The following ZNF335 variants were observed in gnomAD, a reference collection of about 807,000 sequenced individuals.
ZNF335 encodes NRC-interacting factor 1.
Under a neutral mutation model 145.6 loss-of-function variants are expected in ZNF335, and 84 were observed. The observed-to-expected ratio is 0.58, with a 90% CI of 0.48 to 0.69. ZNF335 has a LOEUF of 0.69. ZNF335 is among the 30% of genes least tolerant of loss of function. The pLI is 0.00. For missense variants in ZNF335, 1,865 were observed against 1,809.7 expected, an observed-to-expected ratio of 1.03 and a Z score of -0.55; for synonymous variants, 761 against 717.0, an observed-to-expected ratio of 1.06 and a Z score of -0.98.
chr20:45,958,897 G>T (rs1343044365), intron 15 of ZNF335, among the ~76,000 whole-genome samples: 1 of 152,176 alleles, frequency 6.6e-6, no homozygotes, highest in East Asian at 1.9e-4. Context: ...AAGATACTGA[G>T]AACTTATTCC....
chr20:45,963,660 G>T lies in ZNF335; in HGVS notation c.1356-10C>A. 6 of 1,614,020 alleles carry T rather than the reference G, an allele frequency of 3.7e-6. No individual in the cohort carries two copies. The highest frequency in any genetic ancestry group is 2.2e-5 in the East Asian group (1 of 44,872). Reference sequence around the variant, plus strand: ...CGACTTGTAATAGTACCTGCAGGATGAGAGTGTGGCGGAAAGGTCTGGTGG... The same window carrying T: ...CGACTTGTAATAGTACCTGCAGGATTAGAGTGTGGCGGAAAGGTCTGGTGG... On this transcript the variant is annotated splice_polypyrimidine_tract_variant and intron_variant, in intron 8 of 27. Transcript: ENST00000322927.
rs1311114242 is a variant in ZNF335, at chr20:45,971,531, T to G, written c.-50-71A>C. 11 of 1,498,242 alleles carry G rather than the reference T, an allele frequency of 7.3e-6. No individual in the cohort carries two copies. The Admixed American group carries it at 2.3e-4, about 32-fold the overall frequency. 92.8% of individuals were successfully genotyped at this position (1,498,242 alleles called of 1,614,324 possible). On this transcript the variant is annotated intron_variant, in intron 1 of 27. Transcript: ENST00000322927. The stretch of plus-strand genomic sequence containing the variant: ...CAGCCCCGGCAACCACGGCCACCCA[T>G]TTGCACCCCTGCGCCCATTTTGCAG...
chr20:45,971,014 G>GA (rs1336851266), intron 2 of ZNF335, among the ~76,000 whole-genome samples, 196 bp downstream of exon 2: 1 of 152,188 alleles, frequency 6.6e-6, no homozygotes, highest in South Asian at 2.1e-4. Flanking sequence ...TAAGATGTGG[G>GA]AAAAAATGGT....
chr20:45,971,125 C>T lies in ZNF335; in HGVS notation c.201+85G>A, dbSNP rs2084056950. The T allele has an allele frequency of 6.9e-7, 1 of 1,440,014 alleles. No individual in the cohort carries two copies. 89.2% of individuals were successfully genotyped at this position (1,440,014 alleles called of 1,614,324 possible). A position where few individuals can be genotyped will look rare whatever the true frequency, so the allele number is the denominator to read the frequency against. ...AACCAGAAACACCAAGTATTAGCTA[C>T]AAACAAGCCTTGTTTCCTCTTGGCT... On this transcript the variant is annotated intron_variant, in intron 2 of 27. Coordinates refer to ENST00000322927, the MANE Select transcript of ZNF335 (RefSeq NM_022095.4).
In ZNF335 at chr20:45,960,627, T is replaced by C. The variant is rs764474932; in HGVS notation, c.1771A>G (p.Met591Val). The C allele has an allele frequency of 4.3e-6, 7 of 1,613,946 alleles. No homozygotes were observed. The highest frequency in any genetic ancestry group is 1.7e-5 in the Admixed American group (1 of 59,996). Residue 591 changes from methionine (M) to valine (V), a missense_variant, in exon 12 of 28, where the codon ATG becomes GTG. By Grantham distance (21) the Met-to-Val change is conservative. Coordinates refer to ENST00000322927, the MANE Select transcript of ZNF335 (RefSeq NM_022095.4). ...MKTHSTEKPH[M>V]CDKCGKSFKK... Reference sequence around the variant, plus strand: ...TGGCTCCCACCCACCTTGTCACACATGTGGGGCTTCTCAGTGCTGTGCGTC... The same window carrying C: ...TGGCTCCCACCCACCTTGTCACACACGTGGGGCTTCTCAGTGCTGTGCGTC...
chr20:45,950,701 G>C, intron 20 of ZNF335, 106 bp from the exon 21 acceptor site: 1 of 1,507,594 alleles, frequency 6.6e-7, no homozygotes, highest in Non-Finnish European at 9.0e-7. Context: ...AAGTGGACCT[G>C]GGAAAACCAA....
chr20:45,949,224 G>T lies in ZNF335; in HGVS notation c.3847C>A (p.Gln1283Lys). 1 of 1,613,908 alleles carries T rather than the reference G, an allele frequency of 6.2e-7. No homozygotes were observed. The highest frequency in any genetic ancestry group is 1.1e-5 in the South Asian group (1 of 91,074). Reference sequence around the variant, plus strand: ...AGTTGAGCCTGTGTGACAAGCTGCTGGCCTGGGGACACAGGCACATACTGG... The same window carrying T: ...AGTTGAGCCTGTGTGACAAGCTGCTTGCCTGGGGACACAGGCACATACTGG... The part of the protein sequence containing the change: ...QIQYVPVSPG[Q>K]QLVTQAQLEA... Residue 1283 changes from glutamine to lysine, a missense_variant, in exon 27 of 28, where the codon CAG (glutamine) becomes AAG (lysine). Gln to Lys is a moderately conservative substitution (Grantham distance 53). Transcript: ENST00000322927.
In ZNF335 at chr20:45,952,168, G is replaced by A; in HGVS notation, c.3168C>T (p.Ala1056=). 1 of 1,605,838 alleles carries A rather than the reference G, an allele frequency of 6.2e-7. No homozygotes were observed. The highest frequency in any genetic ancestry group is 8.5e-7 in the Non-Finnish European group (1 of 1,174,918). The change falls in exon 20 of 28, where the codon GCC becomes GCT. Residue 1056 remains alanine (A), a synonymous_variant. Coordinates refer to ENST00000322927, the MANE Select transcript of ZNF335 (RefSeq NM_022095.4). ...CTACCCGGACCTCGGGCCACTGGCG[G>A]GCACTGAAGGGGCAGTCGGGGCACT... is the stretch of plus-strand genomic sequence containing the variant. ...AFKCPDCPFS[A]RQWPEVRAHM...
intron 6 of ZNF335, among the ~76,000 whole-genome samples, chr20:45,966,373 C>T (rs774584433): frequency 1.1e-4 from 16 of 151,768 alleles, no homozygotes; most frequent in Non-Finnish European, 1.6e-4. Context: ...CCACTGTGCC[C>T]GGCCAAAACT....
chr20:45,949,669 G>A, intron 24 of ZNF335, 101 bp from the exon 25 acceptor site: 2 of 1,434,688 alleles, frequency 1.4e-6, no homozygotes, highest in Non-Finnish European at 9.6e-7. Flanking sequence ...ACAGCCACCA[G>A]CAACAATGCA....
chr20:45,950,729 A>G (rs2083615752), intron 20 of ZNF335, 134 bp from the exon 21 acceptor site: 5 of 1,247,160 alleles, frequency 4.0e-6, no homozygotes, highest in Non-Finnish European at 5.6e-6. Context: ...TGCACTAACA[A>G]GAAGCTGGGT....
At chr20:45,959,522 AACTG>A (rs1394370295) in intron 14 of ZNF335, 89 bp from the exon 15 acceptor site, 46 of 1,000,006 alleles carry the variant, frequency 4.6e-5, no homozygotes, top group East Asian at 3.2e-5. Context: ...GGATCTCTCC[AACTG>A]ACTGACTTCC....
At chr20:45,967,378 A>AG in intron 6 of ZNF335, 116 bp downstream of exon 6, 1 of 1,515,820 alleles carries the variant, frequency 6.6e-7, no homozygotes, top group Non-Finnish European at 9.1e-7. Context: ...CTTATACTGG[A>AG]GGGACCTGTG....
intron 3 of ZNF335, 27 bp from the exon 4 acceptor site, chr20:45,968,389 C>T: frequency 6.3e-7 from 1 of 1,596,876 alleles, no homozygotes; most frequent in Non-Finnish European, 8.6e-7. Context: ...AAGGGTCACA[C>T]CTCCTGGGGA....
intron 16 of ZNF335, 33 bp downstream of exon 16, chr20:45,957,802 C>G: frequency 1.2e-6 from 2 of 1,612,360 alleles, no homozygotes; most frequent in Non-Finnish European, 1.7e-6. Context: ...AGGTCCTACC[C>G]TCCATGAGCT....
At chr20:45,962,005 C>T (rs931603304) in intron 10 of ZNF335, 65 bp downstream of exon 10, 6 of 1,294,614 alleles carry the variant, frequency 4.6e-6, no homozygotes, top group Admixed American at 3.5e-5. Flanking sequence ...ATGGTTATCC[C>T]GGGCCTCCAC....
Position 45,967,988 on chromosome 20 carries a change from G to C in ZNF335, c.560C>G (p.Ala187Gly). 1 of 1,612,706 alleles carries C rather than the reference G, an allele frequency of 6.2e-7. No homozygotes were observed. The highest frequency in any genetic ancestry group is 8.5e-7 in the Non-Finnish European group (1 of 1,180,030). Residue 187 changes from alanine to glycine, a missense_variant, in exon 5 of 28, where the codon GCC becomes GGC. By Grantham distance (60) the Ala-to-Gly change is moderately conservative. Transcript: ENST00000322927. ...MTSPMSSSTL[A>G]HSLAAIEALA... Reference sequence around the variant, plus strand: ...GGCCTCAATGGCTGCTAGGCTGTGGGCCAAGGTGGAACTGGACATTGGTGA... The same window carrying C: ...GGCCTCAATGGCTGCTAGGCTGTGGCCCAAGGTGGAACTGGACATTGGTGA...
At chr20:45,952,069 G>A in intron 20 of ZNF335, 78 bp downstream of exon 20, 1 of 1,502,282 alleles carries the variant, frequency 6.7e-7, no homozygotes. Flanking sequence ...GGCTTGAAAG[G>A]GCACTCATTA....
intron 15 of ZNF335, among the ~76,000 whole-genome samples, 200 bp from the exon 16 acceptor site, chr20:45,958,128 A>G (rs1303194346): frequency 6.6e-6 from 1 of 151,424 alleles, no homozygotes; most frequent in Non-Finnish European, 1.5e-5. Flanking sequence ...GGCTCACTAC[A>G]ACCTCTGCCC....
Sources: allele counts gnomAD v4.1 joint callset (sites outside exome capture counted in the v4.1 genomes callset), GRCh38; gene constraint gnomAD v4.1.1; transcripts MANE v1.5; gene names NCBI Gene and HGNC (gene_info 2026-07-23, HGNC 2026-07-21).